The following PTPRD variants were observed in gnomAD, a reference collection of about 807,000 sequenced individuals.
PTPRD encodes protein tyrosine phosphatase receptor type D.
In PTPRD, 34 loss-of-function variants were observed where a neutral mutation model predicts 214.5. The ratio of observed to expected loss-of-function variants is 0.16; its 90% confidence interval spans 0.12 to 0.21. PTPRD has a LOEUF of 0.21. Among genes scored for constraint, PTPRD ranks in the 10% least tolerant of loss-of-function variants. The pLI is 1.00. For synonymous variants in PTPRD, 1,128 were observed against 845.7 expected (o/e 1.33, Z -5.79); for missense variants, 2,545 against 2,398.7 (o/e 1.06, Z -1.27).
At chr9:8,837,101 C>A (rs2097445231) in intron 11 of PTPRD, among the ~76,000 whole-genome samples, 1 of 150,298 alleles carries the variant, frequency 6.7e-6, no homozygotes, top group East Asian at 2.0e-4. Context: ...TCTCCGCTCA[C>A]TCCAACCTCC....
chr9:10,302,303 T>C (rs2095885287), intron 3 of PTPRD, among the ~76,000 whole-genome samples: 1 of 152,188 alleles, frequency 6.6e-6, no homozygotes, highest in Non-Finnish European at 1.5e-5. Flanking sequence ...TACCAGCCAC[T>C]GCAAAAACAT....
intron 6 of PTPRD, among the ~76,000 whole-genome samples, chr9:9,749,775 T>C (rs945043730): frequency 2.6e-5 from 4 of 152,186 alleles, no homozygotes; most frequent in Admixed American, 1.3e-4. Context: ...GTTAGGAGTA[T>C]AGTTATTAGA....
intron 9 of PTPRD, among the ~76,000 whole-genome samples, chr9:9,263,014 T>A (rs2099980814): frequency 6.6e-6 from 1 of 151,652 alleles, no homozygotes. Context: ...TGTATGTAAT[T>A]TCACTTTCAT....
At chr9:8,501,892 A>G (rs370473339) in intron 23 of PTPRD, among the ~76,000 whole-genome samples, 30 of 152,340 alleles carry the variant, frequency 2.0e-4, no homozygotes, top group East Asian at 1.9e-3. Flanking sequence ...CCCACCAGCA[A>G]AATTTGGTAA....
At chr9:9,540,738 T>C (rs1254164821) in intron 8 of PTPRD, among the ~76,000 whole-genome samples, 2 of 151,820 alleles carry the variant, frequency 1.3e-5, no homozygotes, top group Non-Finnish European at 2.9e-5. Flanking sequence ...AATCTCCTCT[T>C]TTGGTTTCTA....
At chr9:10,065,996 A>G (rs561308687) in intron 3 of PTPRD, among the ~76,000 whole-genome samples, 1 of 152,098 alleles carries the variant, frequency 6.6e-6, no homozygotes, top group South Asian at 2.1e-4. Flanking sequence ...GCTAAATTTT[A>G]TCATTCACAA....
chr9:9,889,595 T>G (rs1026229604), intron 5 of PTPRD, among the ~76,000 whole-genome samples: 2 of 152,120 alleles, frequency 1.3e-5, no homozygotes, highest in Non-Finnish European at 2.9e-5. Flanking sequence ...GTAATTGATT[T>G]ACTGCCTCTC....
chr9:9,437,215 A>G (rs2085626960), intron 8 of PTPRD, among the ~76,000 whole-genome samples: 2 of 152,220 alleles, frequency 1.3e-5, no homozygotes, highest in African/African-American at 2.4e-5. Flanking sequence ...GCTCTTCCAC[A>G]TAACAGATTT....
rs3050068 is a variant in PTPRD at position 9,759,555 on chromosome 9, C to CTTTTTTTTTTTTTTTTT, written c.-326+7238_-326+7254dup. ...ACATCTTCAAATAGTCAAGGTCTGT[C>CTTTTTTTTTTTTTTTTT]TTTTTTTTTTTTTTTTTTTTGAGAT... On this transcript the variant is annotated intron_variant, in intron 6 of 45. Coordinates refer to ENST00000381196, the MANE Select transcript of PTPRD (RefSeq NM_002839.4). Among the ~76,000 whole-genome samples the CTTTTTTTTTTTTTTTTT allele has an allele frequency of 9.3e-4, 109 of 117,808 alleles. 12 individuals carry two copies. In the East Asian group the frequency reaches 0.018, roughly 20 times the overall value. 77.3% of individuals were successfully genotyped at this position (117,808 alleles called of 152,430 possible).
At chr9:10,336,048 A>T (rs1038436136) in intron 3 of PTPRD, among the ~76,000 whole-genome samples, 1 of 151,720 alleles carries the variant, frequency 6.6e-6, no homozygotes, top group Non-Finnish European at 1.5e-5. Flanking sequence ...TACAAAACTA[A>T]ACAGATTTTT....
intron 9 of PTPRD, among the ~76,000 whole-genome samples, chr9:9,325,904 G>T (rs558163364): frequency 6.6e-6 from 1 of 151,556 alleles, no homozygotes; most frequent in Admixed American, 6.5e-5. Flanking sequence ...TAGCATGAAG[G>T]GCTGTTGAAC....
intron 10 of PTPRD, among the ~76,000 whole-genome samples, chr9:9,083,753 G>C (rs150231629): frequency 6.6e-6 from 1 of 152,010 alleles, no homozygotes; most frequent in African/African-American, 2.4e-5. Context: ...GATTTGAATA[G>C]ACACTTCTCA....
At chr9:10,563,712 T>C (rs2064724148) in intron 2 of PTPRD, among the ~76,000 whole-genome samples, 1 of 152,050 alleles carries the variant, frequency 6.6e-6, no homozygotes, top group South Asian at 2.1e-4. Context: ...GTGTGCAGAC[T>C]TTTGCTTTAC....
At chr9:10,560,835 C>T (rs2063775467) in intron 2 of PTPRD, among the ~76,000 whole-genome samples, 1 of 152,160 alleles carries the variant, frequency 6.6e-6, no homozygotes. Flanking sequence ...CAACAGGATG[C>T]TAGTGGCTAC....
intron 3 of PTPRD, among the ~76,000 whole-genome samples, chr9:10,268,948 T>C (rs1473850865): frequency 3.3e-5 from 5 of 152,216 alleles, no homozygotes; most frequent in African/African-American, 1.2e-4. Flanking sequence ...GCAGTATCCC[T>C]GGCCTCTAGC....
At chr9:9,150,682 C>T (rs1321914202) in intron 10 of PTPRD, among the ~76,000 whole-genome samples, 4 of 151,892 alleles carry the variant, frequency 2.6e-5, no homozygotes, top group South Asian at 2.1e-4. Context: ...TTTCACTGGC[C>T]GGGCTGGTCT....
chr9:10,128,162 G>C (rs1482829923), intron 3 of PTPRD, among the ~76,000 whole-genome samples: 1 of 151,924 alleles, frequency 6.6e-6, no homozygotes, highest in Non-Finnish European at 1.5e-5. Context: ...TGAGTCCTTT[G>C]CTTGACTCAA....
chr9:9,562,516 T>G (rs915986036), intron 8 of PTPRD, among the ~76,000 whole-genome samples: 6 of 152,168 alleles, frequency 3.9e-5, no homozygotes, highest in Admixed American at 3.9e-4. Flanking sequence ...AAGCTCTACC[T>G]GACCTGCCTT....
intron 11 of PTPRD, among the ~76,000 whole-genome samples, chr9:8,960,549 G>C (rs2099153557): frequency 1.3e-5 from 2 of 152,070 alleles, no homozygotes; most frequent in Admixed American, 6.6e-5. Flanking sequence ...AGAAGATGTC[G>C]TGCATTAAAA....
Sources: gnomAD v4.1 joint callset for allele counts (sites outside exome capture counted in the v4.1 genomes callset) on GRCh38, gnomAD v4.1.1 for gene constraint, MANE v1.5 for transcripts, NCBI Gene and HGNC (gene_info 2026-07-23, HGNC 2026-07-21) for gene names.